Variants in ZCWPW2 observed in about 807,000 individuals in gnomAD.
The protein encoded by ZCWPW2 is zinc finger CW-type and PWWP domain containing 2.
In ZCWPW2, 45 loss-of-function variants were observed where a neutral mutation model predicts 46.6. The observed-to-expected ratio is 0.96, with a 90% CI of 0.76 to 1.24. ZCWPW2 has a LOEUF of 1.24. Among genes scored for constraint, ZCWPW2 ranks in the 50% most tolerant of loss-of-function variants. ZCWPW2 has a pLI of 0.00. For missense variants in ZCWPW2, 429 were observed against 403.9 expected (o/e 1.06, Z -0.53); for synonymous variants, 152 against 137.1 (o/e 1.11, Z -0.76).
intron 3 of ZCWPW2, among the ~76,000 whole-genome samples, chr3:28,431,217 T>C (rs1697242868): frequency 6.6e-6 from 1 of 152,042 alleles, no homozygotes; most frequent in Non-Finnish European, 1.5e-5. Context: ...ATGAAGCAAA[T>C]ATATCTTTGT....
rs1421359626 is a variant in ZCWPW2 at position 28,424,202 on chromosome 3, T to C, written c.332+10802T>C. ...GAAGAAAATAGGATGTTGGCTTTCA[T>C]AGAGAGACTGTGGTGGTCTTATTCC... On this transcript the variant is annotated intron_variant, in intron 3 of 9. Transcript: ENST00000383768. 7.4e-5 allele frequency among the ~76,000 whole-genome samples: 11 copies of C among 149,386 alleles called. No homozygotes were observed. The South Asian group carries it at 1.5e-3, about 20-fold the overall frequency.
intron 1 of ZCWPW2, among the ~76,000 whole-genome samples, chr3:28,365,265 G>A (rs1210111550): frequency 7.0e-6 from 1 of 142,556 alleles, no homozygotes; most frequent in African/African-American, 2.5e-5. Context: ...TTCTTCTAGG[G>A]TTTTCATGGT....
At chr3:28,413,425 T>G (rs1696490010) in intron 3 of ZCWPW2, 25 bp downstream of exon 3, 1 of 1,552,458 alleles carries the variant, frequency 6.4e-7, no homozygotes, top group African/African-American at 1.4e-5. Flanking sequence ...GTTTTATGAC[T>G]TTTGAAATGT....
At chr3:28,505,508 T>G (rs1175510867) in intron 6 of ZCWPW2, among the ~76,000 whole-genome samples, 5 of 152,160 alleles carry the variant, frequency 3.3e-5, no homozygotes, top group African/African-American at 1.2e-4. Flanking sequence ...AAAGGAAAGT[T>G]GAAAGCAATC....
intron 3 of ZCWPW2, 43 bp from the exon 4 acceptor site, chr3:28,435,067 T>TG (rs1346642484): frequency 1.3e-6 from 2 of 1,597,566 alleles, no homozygotes; most frequent in Non-Finnish European, 1.7e-6. Context: ...ATGTCTACCT[T>TG]TTTAAAAGCA....
At chr3:28,405,700 T>C (rs1415726492) in intron 2 of ZCWPW2, among the ~76,000 whole-genome samples, 2 of 151,974 alleles carry the variant, frequency 1.3e-5, no homozygotes, top group African/African-American at 4.8e-5. Flanking sequence ...GGTCTCTAAC[T>C]CCTGACCGTG....
chr3:28,509,209 A>G lies in ZCWPW2; in HGVS notation c.658-4855A>G, dbSNP rs951386503. ...GGCTGAATAATATTTCATTATATGG[A>G]TATACGACACTTTATCCATTGGTGG... On this transcript the variant is annotated intron_variant, in intron 6 of 9. Transcript: ENST00000383768. Among the ~76,000 whole-genome samples the G allele has an allele frequency of 5.9e-5, 9 of 152,218 alleles. No homozygotes were observed. In the South Asian group the frequency reaches 1.2e-3, roughly 21 times the overall value.
At chr3:28,472,320 A>G (rs1259633750) in intron 4 of ZCWPW2, among the ~76,000 whole-genome samples, 1 of 152,236 alleles carries the variant, frequency 6.6e-6, no homozygotes, top group African/African-American at 2.4e-5. Context: ...ACCTGACTTC[A>G]AATTATACTA....
At chr3:28,487,679 A>G (rs538862744) in intron 5 of ZCWPW2, among the ~76,000 whole-genome samples, 1 of 152,210 alleles carries the variant, frequency 6.6e-6, no homozygotes, top group Non-Finnish European at 1.5e-5. Flanking sequence ...TTTTTATTGA[A>G]AGGTGGGCAT....
At chr3:28,436,326 T>TTC (rs1553636382) in intron 4 of ZCWPW2, among the ~76,000 whole-genome samples, 3 of 143,800 alleles carry the variant, frequency 2.1e-5, no homozygotes, top group African/African-American at 7.8e-5. Flanking sequence ...TTTTTTTCTT[T>TTC]TTTTTTTTTT....
rs2125750980 is a variant in ZCWPW2, at chr3:28,423,872, C to G, written c.332+10472C>G. ...CACCCTCCTTCCTCTCAAATAGATG[C>G]TAATATTATATGGATCATATAATTT... On this transcript the variant is annotated intron_variant, in intron 3 of 9. Coordinates refer to ENST00000383768, the MANE Select transcript of ZCWPW2 (RefSeq NM_001040432.4). Among the ~76,000 whole-genome samples the G allele has an allele frequency of 2.6e-5, 4 of 152,146 alleles. No homozygotes were observed. The South Asian group carries it at 8.3e-4, about 32-fold the overall frequency.
At chr3:28,479,192 G>A (rs1021497626) in intron 5 of ZCWPW2, among the ~76,000 whole-genome samples, 15 of 151,896 alleles carry the variant, frequency 9.9e-5, no homozygotes, top group African/African-American at 2.4e-4. Context: ...CTTCTTTACC[G>A]TTAGACTGTC....
At chr3:28,412,944 G>T in intron 2 of ZCWPW2, 112 bp from the exon 3 acceptor site, 1 of 744,480 alleles carries the variant, frequency 1.3e-6, no homozygotes, top group Admixed American at 2.9e-5. Context: ...GGATAGAGAG[G>T]GGGTGGGCAT....
intron 2 of ZCWPW2, among the ~76,000 whole-genome samples, chr3:28,397,532 T>C (rs1488510545): frequency 6.6e-6 from 1 of 152,118 alleles, no homozygotes; most frequent in East Asian, 1.9e-4. Flanking sequence ...TAACTGGGCT[T>C]GGTGGCAAGC....
At chr3:28,466,261 A>C (rs950855202) in intron 4 of ZCWPW2, among the ~76,000 whole-genome samples, 3 of 152,154 alleles carry the variant, frequency 2.0e-5, no homozygotes, top group African/African-American at 7.2e-5. Flanking sequence ...GTGATGAAAT[A>C]ATCTGTACAC....
rs145858578 is a variant in ZCWPW2, at chr3:28,423,556, T to C, written c.332+10156T>C. Among the ~76,000 whole-genome samples the C allele has an allele frequency of 2.5e-3, 386 of 151,738 alleles. 1 individual carries two copies. The highest frequency in any genetic ancestry group is 8.4e-3 in the African/African-American group (349 of 41,390). ...TAATTTTTTGTATTTTTAGTAGAGA[T>C]GGGGTTTCACCATGTTAGCCAGGAT... On this transcript the variant is annotated intron_variant, in intron 3 of 9. Coordinates refer to ENST00000383768, the MANE Select transcript of ZCWPW2 (RefSeq NM_001040432.4).
chr3:28,398,268 A>T (rs932897092), intron 2 of ZCWPW2: 3 of 152,190 alleles, frequency 2.0e-5, no homozygotes, highest in African/African-American at 7.2e-5. Flanking sequence ...TTCTTATTGT[A>T]AGGACATTAA....
chr3:28,348,992 C>T lies in ZCWPW2; in HGVS notation c.-345C>T, dbSNP rs924629004. 2 of 985,706 alleles carry T rather than the reference C, an allele frequency of 2.0e-6. No homozygotes were observed. The highest frequency in any genetic ancestry group is 6.1e-5 in the Admixed American group (1 of 16,274). The allele number at this position is 985,706 out of a possible 1,614,324, so 61.1% of individuals were successfully genotyped here. ...GATGAGCTCTCAGCCGGAAAAGGGG[C>T]TGCCGCTGTCCGCGGGCTCGGCGCC... On this transcript the variant is annotated 5_prime_UTR_variant, in exon 1 of 10. Coordinates refer to ENST00000383768, the MANE Select transcript of ZCWPW2 (RefSeq NM_001040432.4).
intron 6 of ZCWPW2, among the ~76,000 whole-genome samples, chr3:28,512,024 A>G (rs1700440406): frequency 1.3e-5 from 2 of 152,150 alleles, no homozygotes; most frequent in South Asian, 4.1e-4. Flanking sequence ...ACACACACAT[A>G]TGGCTACCTT....
Sources: allele counts gnomAD v4.1 joint callset (sites outside exome capture counted in the v4.1 genomes callset), GRCh38; gene constraint gnomAD v4.1.1; transcripts MANE v1.5; gene names NCBI Gene and HGNC (gene_info 2026-07-23, HGNC 2026-07-21).